The following MAGI2 variants were observed in gnomAD, a reference collection of about 807,000 sequenced individuals.
MAGI2 encodes the protein membrane associated guanylate kinase, WW and PDZ domain containing 2.
In MAGI2, 35 loss-of-function variants were observed where a neutral mutation model predicts 133.3. The observed-to-expected ratio is 0.26, with a 90% CI of 0.20 to 0.35. The LOEUF is 0.35. Among genes scored for constraint, MAGI2 ranks in the 10% least tolerant of loss-of-function variants. MAGI2 has a pLI of 1.00. For missense variants in MAGI2, 1,636 were observed against 1,863.4 expected, an observed-to-expected ratio of 0.88 and a Z score of 2.25; for synonymous variants, 729 against 710.6, an observed-to-expected ratio of 1.03 and a Z score of -0.41.
Position 78,593,348 on chromosome 7 carries a change from C to T in MAGI2, c.538+33772G>A, listed in dbSNP as rs181112516. Among the ~76,000 whole-genome samples, 101 of 152,054 alleles carry T rather than the reference C, an allele frequency of 6.6e-4. 2 individuals are homozygous for T. The East Asian group carries it at 0.018, about 27-fold the overall frequency. ...CGGAGCTTGCAGTGAGCTGAGATCG[C>T]ACTACTGCACTCCAGCCTGGGCGAC... On this transcript the variant is annotated intron_variant, in intron 3 of 21. Coordinates refer to ENST00000354212, the MANE Select transcript of MAGI2 (RefSeq NM_012301.4).
intron 2 of MAGI2, among the ~76,000 whole-genome samples, chr7:78,645,640 G>GT (rs1554511144): frequency 2.0e-5 from 3 of 147,348 alleles, no homozygotes; most frequent in Non-Finnish European, 1.5e-5. Context: ...ATATAAGTGT[G>GT]GTGTGTGTGT....
At chr7:79,434,699 G>A (rs1208571030) in intron 1 of MAGI2, among the ~76,000 whole-genome samples, 1 of 152,132 alleles carries the variant, frequency 6.6e-6, no homozygotes, top group Non-Finnish European at 1.5e-5. Context: ...TACTTACAAT[G>A]TTTATTAGTT....
intron 15 of MAGI2, among the ~76,000 whole-genome samples, chr7:78,165,352 A>G (rs1460294173): frequency 6.6e-6 from 1 of 152,150 alleles, no homozygotes; most frequent in Non-Finnish European, 1.5e-5. Context: ...TTCTATCCTT[A>G]GCATGTACAT....
intron 2 of MAGI2, among the ~76,000 whole-genome samples, chr7:78,672,323 A>G (rs1191556920): frequency 1.3e-5 from 2 of 151,988 alleles, no homozygotes; most frequent in Non-Finnish European, 2.9e-5. Flanking sequence ...TCCCCTCTTC[A>G]TCTTATATCA....
In MAGI2 at chr7:78,178,537, T is replaced by C. The variant is rs1826881503; in HGVS notation, c.2312-435A>G. On this transcript the variant is annotated intron_variant, in intron 13 of 21. Transcript: ENST00000354212. ...AACTGTCCAGTAAAGCACTGCCTGG[T>C]AATTTATTAATATCTGTTTATGACA... Among the ~76,000 whole-genome samples, 3 of 152,066 alleles carry C rather than the reference T, an allele frequency of 2.0e-5. No individual in the cohort carries two copies. The South Asian group carries it at 6.3e-4, about 32-fold the overall frequency.
At chr7:79,275,029 T>C (rs1432310503) in intron 1 of MAGI2, among the ~76,000 whole-genome samples, 1 of 152,148 alleles carries the variant, frequency 6.6e-6, no homozygotes, top group Non-Finnish European at 1.5e-5. Flanking sequence ...CCCTATTCCC[T>C]GAGACATGAT....
rs925257716 is a variant in MAGI2 at position 78,730,809 on chromosome 7, T to C, written c.419-103570A>G. 5.9e-5 allele frequency among the ~76,000 whole-genome samples: 9 copies of C among 152,244 alleles called. No individual in the cohort carries two copies. The South Asian group carries it at 8.3e-4, about 14-fold the overall frequency. On this transcript the variant is annotated intron_variant, in intron 2 of 21. Transcript: ENST00000354212. Reference sequence around the variant, plus strand: ...ATGCAGAAATGATCAGCTAAGGACCTGAAGATAATATAACAAGATTTTAAG... The same window carrying C: ...ATGCAGAAATGATCAGCTAAGGACCCGAAGATAATATAACAAGATTTTAAG...
intron 6 of MAGI2, among the ~76,000 whole-genome samples, chr7:78,418,785 T>G (rs1044383291): frequency 3.3e-5 from 5 of 152,156 alleles, no homozygotes; most frequent in African/African-American, 1.2e-4. Flanking sequence ...TGTAGGGGGT[T>G]AATGAGATGC....
At chr7:78,371,971 G>C (rs1793960201) in intron 6 of MAGI2, among the ~76,000 whole-genome samples, 1 of 152,042 alleles carries the variant, frequency 6.6e-6, no homozygotes, top group Non-Finnish European at 1.5e-5. Flanking sequence ...GGAATTGATG[G>C]AGGAACCTTA....
intron 1 of MAGI2, among the ~76,000 whole-genome samples, chr7:79,165,465 A>T (rs1824819820): frequency 1.3e-5 from 2 of 152,062 alleles, no homozygotes; most frequent in Non-Finnish European, 2.9e-5. Flanking sequence ...GTGTGATTCA[A>T]TCTGCATTTC....
chr7:79,122,292 T>A (rs564063991), intron 1 of MAGI2, among the ~76,000 whole-genome samples: 2 of 152,166 alleles, frequency 1.3e-5, no homozygotes, highest in Non-Finnish European at 2.9e-5. Flanking sequence ...CCTCTACACA[T>A]GTCTCTCCAA....
intron 1 of MAGI2, among the ~76,000 whole-genome samples, chr7:79,189,614 A>G (rs1244769518): frequency 6.6e-6 from 1 of 151,734 alleles, no homozygotes; most frequent in Admixed American, 6.6e-5. Flanking sequence ...TGATGAACCA[A>G]TATTGATACC....
At chr7:78,512,859 G>A (rs1303746823) in intron 4 of MAGI2, among the ~76,000 whole-genome samples, 2 of 152,104 alleles carry the variant, frequency 1.3e-5, no homozygotes, top group Non-Finnish European at 1.5e-5. Flanking sequence ...AAAATTCAAA[G>A]TCTGTGGGTA....
chr7:78,577,181 A>T (rs1802356564), intron 3 of MAGI2, among the ~76,000 whole-genome samples: 1 of 152,218 alleles, frequency 6.6e-6, no homozygotes, highest in Non-Finnish European at 1.5e-5. Flanking sequence ...ATAAATATAC[A>T]GGCAAAACTT....
intron 6 of MAGI2, among the ~76,000 whole-genome samples, chr7:78,398,705 T>C (rs1055162967): frequency 3.9e-5 from 6 of 152,080 alleles, no homozygotes; most frequent in African/African-American, 1.2e-4. Flanking sequence ...GGTGGAAAGG[T>C]AGGAGCCTAA....
chr7:78,039,711 A>T (rs1015403084), intron 21 of MAGI2: 12 of 152,230 alleles, frequency 7.9e-5, no homozygotes, highest in African/African-American at 2.9e-4. Context: ...CAGGGAATAA[A>T]TCATAATAAA....
Position 78,978,846 on chromosome 7 carries a change from G to C in MAGI2, c.418+28244C>G, listed in dbSNP as rs945379153. Among the ~76,000 whole-genome samples the C allele has an allele frequency of 4.6e-5, 7 of 151,832 alleles. No individual in the cohort carries two copies. In the East Asian group the frequency reaches 1.4e-3, roughly 30 times the overall value. On this transcript the variant is annotated intron_variant, in intron 2 of 21. Transcript: ENST00000354212. ...AACTCTGTGTCAGCTCTGTACTCTA[G>C]TTGATAATATTGTTATTCATTGGAA... is the stretch of plus-strand genomic sequence containing the variant.
intron 2 of MAGI2, among the ~76,000 whole-genome samples, chr7:78,760,361 C>CTTTTT (rs71085562): frequency 3.2e-5 from 4 of 124,634 alleles, no homozygotes; most frequent in African/African-American, 9.1e-5. Context: ...TTAATTCTCT[C>CTTTTT]TTTTTTTTTT....
At chr7:79,143,754 CA>C (rs1394741347) in intron 1 of MAGI2, among the ~76,000 whole-genome samples, 1 of 151,952 alleles carries the variant, frequency 6.6e-6, no homozygotes, top group Non-Finnish European at 1.5e-5. Context: ...AGCTTTTGAA[CA>C]ATAGTTAAAA....
Sources: allele counts gnomAD v4.1 joint callset (sites outside exome capture counted in the v4.1 genomes callset), GRCh38; gene constraint gnomAD v4.1.1; transcripts MANE v1.5; gene names NCBI Gene and HGNC (gene_info 2026-07-23, HGNC 2026-07-21).